The following SLC38A12 variants were observed in gnomAD, a reference collection of about 807,000 sequenced individuals.
The protein encoded by SLC38A12 is putative sodium-coupled neutral amino acid transporter 12.
chr17:74,833,436 G>T, the SLC38A12 span, among the ~76,000 whole-genome samples: 1 of 152,194 alleles, frequency 6.6e-6, no homozygotes, highest in African/African-American at 2.4e-5. Context: ...ATGTTTCAGG[G>T]GTGTATGTGT....
chr17:74,836,100 C>T, the SLC38A12 span: 1 of 1,613,996 alleles, frequency 6.2e-7, no homozygotes, highest in Non-Finnish European at 8.5e-7. This position sits in a 1 kb window ranked among gnomAD's most constrained non-coding sequence, Gnocchi z 4.2. Context: ...CTCCAAGCGC[C>T]ACCTCACAAG....
the SLC38A12 span, chr17:74,777,545 C>G: frequency 6.5e-7 from 1 of 1,539,344 alleles, no homozygotes; most frequent in Non-Finnish European, 8.7e-7. Flanking sequence ...TGTGGTGGCT[C>G]AGAATGTAAG....
At chr17:74,837,886 G>C in the SLC38A12 span, 1 of 985,852 alleles carries the variant, frequency 1.0e-6, no homozygotes, top group Non-Finnish European at 1.2e-6. Flanking sequence ...CCAGCCCTGG[G>C]CCTGGCCCCA....
the SLC38A12 span, among the ~76,000 whole-genome samples, chr17:74,798,593 C>A: frequency 6.6e-6 from 1 of 152,184 alleles, no homozygotes; most frequent in Non-Finnish European, 1.5e-5. Context: ...GTGGAGGTCC[C>A]CTGAGTCACT....
At chr17:74,818,171 C>T in the SLC38A12 span, among the ~76,000 whole-genome samples, 4 of 152,222 alleles carry the variant, frequency 2.6e-5, no homozygotes, top group Admixed American at 6.5e-5. Context: ...CCCAGCTCCT[C>T]TCCCTGGGCT....
the SLC38A12 span, chr17:74,819,821 G>T: frequency 4.3e-6 from 7 of 1,614,140 alleles, no homozygotes; most frequent in Non-Finnish European, 5.9e-6. Context: ...TGCAGATCCT[G>T]ACCTCTCTGA....
chr17:74,809,294 G>A, the SLC38A12 span, among the ~76,000 whole-genome samples: 11 of 152,132 alleles, frequency 7.2e-5, no homozygotes, highest in South Asian at 2.1e-4. Context: ...TTCAAAGACG[G>A]TCCTTCAGCC....
the SLC38A12 span, among the ~76,000 whole-genome samples, chr17:74,823,093 T>C: frequency 3.9e-5 from 6 of 152,110 alleles, no homozygotes; most frequent in African/African-American, 1.4e-4. Context: ...TAAAAGCAGC[T>C]GTGTGACCGA....
At chr17:74,811,463 G>A in the SLC38A12 span, among the ~76,000 whole-genome samples, 3 of 152,184 alleles carry the variant, frequency 2.0e-5, no homozygotes, top group South Asian at 4.1e-4. Context: ...GCTCAGGCCT[G>A]TAATTCCAGC....
At chr17:74,829,575 G>A in the SLC38A12 span, among the ~76,000 whole-genome samples, 3 of 152,154 alleles carry the variant, frequency 2.0e-5, no homozygotes, top group Non-Finnish European at 2.9e-5. This position sits in a 1 kb window ranked among gnomAD's most constrained non-coding sequence, Gnocchi z 4.1. Context: ...GAGCGTGGGC[G>A]GCATTCAGGC....
the SLC38A12 span, among the ~76,000 whole-genome samples, chr17:74,793,788 T>C: frequency 2.0e-5 from 3 of 152,186 alleles, no homozygotes; most frequent in African/African-American, 7.2e-5. Context: ...ATCTCTGACA[T>C]GTCAGGGAAG....
the SLC38A12 span, among the ~76,000 whole-genome samples, chr17:74,827,819 A>G: frequency 6.6e-6 from 1 of 152,164 alleles, no homozygotes; most frequent in Admixed American, 6.5e-5. This position sits in a 1 kb window ranked among gnomAD's most constrained non-coding sequence, Gnocchi z 4.7. Context: ...TTTAAGGAAC[A>G]AATGCCCAAT....
chr17:74,777,375 C>T, the SLC38A12 span: 1 of 1,614,204 alleles, frequency 6.2e-7, no homozygotes, highest in Non-Finnish European at 8.5e-7. Context: ...ACTCTTCCTA[C>T]GTGAGTGTGA....
chr17:74,822,965 C>G, the SLC38A12 span, among the ~76,000 whole-genome samples: 1 of 152,218 alleles, frequency 6.6e-6, no homozygotes, highest in Non-Finnish European at 1.5e-5. Flanking sequence ...CTGGGCCAAG[C>G]TCACCCCAGG....
At chr17:74,836,244 C>G in the SLC38A12 span, 3 of 1,611,618 alleles carry the variant, frequency 1.9e-6, no homozygotes, top group Non-Finnish European at 2.5e-6. This position sits in a 1 kb window ranked among gnomAD's most constrained non-coding sequence, Gnocchi z 4.2. Flanking sequence ...CGTCGTGGGC[C>G]TGGCCGCTGT....
the SLC38A12 span, among the ~76,000 whole-genome samples, chr17:74,818,027 C>T: frequency 6.6e-6 from 1 of 152,178 alleles, no homozygotes; most frequent in Non-Finnish European, 1.5e-5. Flanking sequence ...TGACATCTCC[C>T]TCTTCATCCT....
the SLC38A12 span, among the ~76,000 whole-genome samples, chr17:74,805,777 T>C: frequency 6.6e-6 from 1 of 152,174 alleles, no homozygotes; most frequent in South Asian, 2.1e-4. This position sits in a 1 kb window ranked among gnomAD's most constrained non-coding sequence, Gnocchi z 5.0. Flanking sequence ...GCGTTCCCAC[T>C]GCCATTGCTC....
At chr17:74,835,536 T>C in the SLC38A12 span, among the ~76,000 whole-genome samples, 1 of 152,156 alleles carries the variant, frequency 6.6e-6, no homozygotes, top group Non-Finnish European at 1.5e-5. Flanking sequence ...GCCTGCTCCC[T>C]GCGAGGAAGC....
chr17:74,786,158 G>A, the SLC38A12 span, among the ~76,000 whole-genome samples: 1 of 152,156 alleles, frequency 6.6e-6, no homozygotes, highest in African/African-American at 2.4e-5. Flanking sequence ...AGGTGTGTGG[G>A]CCTCACCAGC....
Sources: allele counts gnomAD v4.1 joint callset (sites outside exome capture counted in the v4.1 genomes callset), GRCh38; gene constraint gnomAD v4.1.1; non-coding constraint Gnocchi (gnomAD v3.1); transcripts MANE v1.5; gene names NCBI Gene and HGNC (gene_info 2026-07-23, HGNC 2026-07-21).